MAP7: variants seen among roughly 807,000 people sequenced by gnomAD.
MAP7 encodes the protein ensconsin.
Under a neutral mutation model 94.8 loss-of-function variants are expected in MAP7, and 52 were observed. The ratio of observed to expected loss-of-function variants is 0.55; its 90% CI spans 0.44 to 0.69. The LOEUF is 0.69. MAP7 is among the 30% of genes least tolerant of loss of function. The pLI is 0.00. For missense variants in MAP7, 940 were observed against 964.6 expected (o/e 0.97, Z 0.34); for synonymous variants, 350 against 357.0 (o/e 0.98, Z 0.22).
chr6:136,411,739 T>TA (rs747120037), intron 2 of MAP7, 42 bp from the exon 3 acceptor site: 21,622 of 1,104,488 alleles, frequency 0.02, no homozygotes, highest in South Asian at 0.022. Flanking sequence ...AAGAGTGGAT[T>TA]AAAAAAAAAA....
intron 1 of MAP7, among the ~76,000 whole-genome samples, chr6:136,520,355 T>C (rs1192826936): frequency 3.3e-5 from 5 of 152,362 alleles, no homozygotes; most frequent in African/African-American, 4.8e-5. Flanking sequence ...AGTAGTTACC[T>C]TGAAAGGACA....
chr6:136,461,224 T>G (rs1805095650), intron 1 of MAP7, among the ~76,000 whole-genome samples: 4 of 152,162 alleles, frequency 2.6e-5, no homozygotes, highest in Non-Finnish European at 5.9e-5. Context: ...CAGCTTTTGC[T>G]TAGTTATTGA....
At chr6:136,470,879 AT>A (rs1808752009) in intron 1 of MAP7, among the ~76,000 whole-genome samples, 1 of 152,030 alleles carries the variant, frequency 6.6e-6, no homozygotes, top group African/African-American at 2.4e-5. Flanking sequence ...TATTCTCATT[AT>A]TTACAAGAAT....
At chr6:136,501,345 T>A (rs974469685) in intron 1 of MAP7, among the ~76,000 whole-genome samples, 1 of 152,072 alleles carries the variant, frequency 6.6e-6, no homozygotes, top group African/African-American at 2.4e-5. Context: ...TGGCCTGGAG[T>A]CAGAGGGGCC....
chr6:136,356,721 G>A lies in MAP7; in HGVS notation c.1986C>T (p.Thr662=), dbSNP rs777652225. ...GKPVGSPHVV[T]SHQSKVTVES... ...CCACTGTCACTTTTGACTGGTGTGA[G>A]GTAACCACATGTGGGCTGCCAACTG... The change falls in exon 16 of 18, where the codon ACC becomes ACT. Residue 662 remains threonine (T), a synonymous_variant. Coordinates refer to ENST00000354570, the MANE Select transcript of MAP7 (RefSeq NM_003980.6). The A allele has an allele frequency of 1.4e-5, 23 of 1,614,012 alleles. No individual in the cohort carries two copies. In the Admixed American group the frequency reaches 3.5e-4, roughly 25 times the overall value.
intron 16 of MAP7, among the ~76,000 whole-genome samples, chr6:136,354,172 C>A (rs1790113458): frequency 7.1e-6 from 1 of 140,970 alleles, no homozygotes; most frequent in Non-Finnish European, 1.5e-5. Context: ...TATGTATCTA[C>A]TATATATAAA....
chr6:136,364,236 G>T (rs1256852371), intron 10 of MAP7: 2 of 542,936 alleles, frequency 3.7e-6, no homozygotes, highest in African/African-American at 3.8e-5. Context: ...CCTCATTAAA[G>T]CAGCTGGTGT....
intron 1 of MAP7, among the ~76,000 whole-genome samples, chr6:136,448,415 A>AT (rs755365926): frequency 0.02 from 2,872 of 141,172 alleles, 75 homozygotes; most frequent in African/African-American, 0.062. Flanking sequence ...AATGACTACG[A>AT]TTTTTTTTTT....
chr6:136,532,818 C>A (rs531435586), intron 1 of MAP7, among the ~76,000 whole-genome samples: 56 of 152,302 alleles, frequency 3.7e-4, no homozygotes, highest in South Asian at 2.5e-3. Flanking sequence ...AGCAACTCTG[C>A]GTTTCATTAT....
intron 1 of MAP7, among the ~76,000 whole-genome samples, chr6:136,547,955 T>TA (rs1829858786): frequency 1.3e-5 from 2 of 152,186 alleles, no homozygotes; most frequent in Admixed American, 6.5e-5. Context: ...AACTAAGAGT[T>TA]ATTTAAGAGT....
chr6:136,518,846 A>C (rs1255963097), intron 1 of MAP7, among the ~76,000 whole-genome samples: 1 of 152,318 alleles, frequency 6.6e-6, no homozygotes, highest in South Asian at 2.1e-4. Flanking sequence ...GCTCTAAGTA[A>C]ACACTTAATT....
At chr6:136,504,379 C>T (rs1307340969) in intron 1 of MAP7, among the ~76,000 whole-genome samples, 5 of 151,732 alleles carry the variant, frequency 3.3e-5, no homozygotes, top group Non-Finnish European at 7.4e-5. Flanking sequence ...AACAGAGCCT[C>T]ACTCTGTCAC....
At chr6:136,508,826 T>A (rs1311989506) in intron 1 of MAP7, among the ~76,000 whole-genome samples, 1 of 152,184 alleles carries the variant, frequency 6.6e-6, no homozygotes, top group Non-Finnish European at 1.5e-5. Flanking sequence ...AAAGTGTATC[T>A]AATCTTGGAA....
chr6:136,540,534 T>C lies in MAP7; in HGVS notation c.67+9808A>G, dbSNP rs191404215. On this transcript the variant is annotated intron_variant, in intron 1 of 17. Transcript: ENST00000354570. ...TATGTGTGCATACTTAGCTATTCAA[T>C]TGTACTCATAACTGTATTCACATCT... 2.8e-4 allele frequency among the ~76,000 whole-genome samples: 42 copies of C among 152,324 alleles called. 2 individuals are homozygous for C. In the East Asian group the frequency reaches 7.7e-3, roughly 28 times the overall value.
At chr6:136,444,660 C>T (rs987908880) in intron 1 of MAP7, among the ~76,000 whole-genome samples, 16 of 152,078 alleles carry the variant, frequency 1.1e-4, no homozygotes, top group Non-Finnish European at 1.9e-4. Context: ...TGTAAACAAG[C>T]CCACAATAGA....
intron 1 of MAP7, chr6:136,526,296 CACA>C: frequency 9.7e-7 from 1 of 1,035,678 alleles, no homozygotes; most frequent in Non-Finnish European, 1.2e-6. Context: ...CACACACACA[CACA>C]CTCCTTCCAG....
At chr6:136,477,618 A>G (rs998872179) in intron 1 of MAP7, among the ~76,000 whole-genome samples, 4 of 152,222 alleles carry the variant, frequency 2.6e-5, no homozygotes, top group Non-Finnish European at 4.4e-5. Context: ...AGATATAACA[A>G]CTGCAAATAT....
At chr6:136,499,008 A>C (rs1819085326) in intron 1 of MAP7, among the ~76,000 whole-genome samples, 2 of 152,058 alleles carry the variant, frequency 1.3e-5, no homozygotes, top group South Asian at 4.1e-4. Context: ...TTCCAGGTTC[A>C]AGAGATTCTC....
intron 1 of MAP7, among the ~76,000 whole-genome samples, chr6:136,483,173 C>T (rs565681302): frequency 1.7e-4 from 26 of 149,152 alleles, no homozygotes; most frequent in Admixed American, 4.7e-4. Context: ...TACATATACA[C>T]CATGGAATAC....
Sources: gnomAD v4.1 joint callset for allele counts (sites outside exome capture counted in the v4.1 genomes callset) on GRCh38, gnomAD v4.1.1 for gene constraint, MANE v1.5 for transcripts, NCBI Gene and HGNC (gene_info 2026-07-23, HGNC 2026-07-21) for gene names.